Variants in GALNT17 observed in about 807,000 individuals in gnomAD.
The protein encoded by GALNT17 is polypeptide N-acetylgalactosaminyltransferase 17.
A neutral mutation model predicts 63.7 loss-of-function variants in GALNT17; 29 were observed. The ratio of observed to expected loss-of-function variants is 0.46; its 90% CI spans 0.34 to 0.62. GALNT17 has a LOEUF of 0.62. Ranked by LOEUF, GALNT17 falls within the 20% of genes least tolerant of loss-of-function variation. GALNT17 has a pLI of 0.01. For missense variants in GALNT17, 603 were observed against 799.6 expected (o/e 0.75, Z 2.97); for synonymous variants, 305 against 318.3 (o/e 0.96, Z 0.45).
intron 1 of GALNT17, among the ~76,000 whole-genome samples, chr7:71,295,231 G>T (rs184604222): frequency 2.3e-4 from 35 of 152,242 alleles, no homozygotes; most frequent in Admixed American, 5.9e-4. Context: ...TCCTAGACTT[G>T]CTTCCTGTGT....
At chr7:71,237,375 T>A (rs919707131) in intron 1 of GALNT17, among the ~76,000 whole-genome samples, 1 of 151,812 alleles carries the variant, frequency 6.6e-6, no homozygotes, top group South Asian at 2.1e-4. Flanking sequence ...AACAGGAAGA[T>A]GTCTGGAATA....
At chr7:71,343,475 T>G (rs985249370) in intron 2 of GALNT17, among the ~76,000 whole-genome samples, 7 of 152,350 alleles carry the variant, frequency 4.6e-5, no homozygotes, top group Admixed American at 3.3e-4. Context: ...TTTGTCACAT[T>G]TCAGGCAAAT....
At chr7:71,171,768 GC>G (rs1235098785) in intron 1 of GALNT17, among the ~76,000 whole-genome samples, 1 of 152,224 alleles carries the variant, frequency 6.6e-6, no homozygotes, top group Non-Finnish European at 1.5e-5. Context: ...TCCTAGAGCT[GC>G]TGCTGGGCTT....
intron 1 of GALNT17, among the ~76,000 whole-genome samples, chr7:71,193,443 T>TA (rs897496789): frequency 6.9e-6 from 1 of 145,974 alleles, no homozygotes; most frequent in Non-Finnish European, 1.5e-5. Flanking sequence ...TTTACACTGA[T>TA]ACGCTTTTGT....
chr7:71,313,889 A>C, intron 1 of GALNT17, among the ~76,000 whole-genome samples: 1 of 152,144 alleles, frequency 6.6e-6, no homozygotes, highest in East Asian at 1.9e-4. Flanking sequence ...TGAAGGGTTG[A>C]GTTGCTGCAG....
intron 1 of GALNT17, among the ~76,000 whole-genome samples, chr7:71,191,152 C>T (rs767574421): frequency 6.6e-6 from 1 of 152,190 alleles, no homozygotes; most frequent in Non-Finnish European, 1.5e-5. Context: ...AACCCACAGT[C>T]TACCAATACA....
intron 6 of GALNT17, among the ~76,000 whole-genome samples, chr7:71,619,045 T>A (rs1790256015): frequency 6.6e-6 from 1 of 152,232 alleles, no homozygotes; most frequent in Non-Finnish European, 1.5e-5. Flanking sequence ...CCAGTTGTCC[T>A]GGCACCATTT....
chr7:71,133,871 T>G (rs1787733623), intron 1 of GALNT17, among the ~76,000 whole-genome samples: 1 of 152,108 alleles, frequency 6.6e-6, no homozygotes, highest in Non-Finnish European at 1.5e-5. Context: ...GTTTCCAGGA[T>G]GCGTGGGGTT....
Position 71,633,028 on chromosome 7 carries a change from C to T in GALNT17, c.1081-32383C>T, listed in dbSNP as rs145900389. Among the ~76,000 whole-genome samples, 712 of 145,800 alleles carry T rather than the reference C, an allele frequency of 4.9e-3. 17 individuals are homozygous for T. In the East Asian group the frequency reaches 0.059, roughly 12 times the overall value. On this transcript the variant is annotated intron_variant, in intron 6 of 10. Coordinates refer to ENST00000333538, the MANE Select transcript of GALNT17 (RefSeq NM_022479.3). ...CTGAGGCATGAGAATCGCTTGAACC[C>T]GGGAGTGGGAGGTTGCAGTGAGCCG...
intron 5 of GALNT17, among the ~76,000 whole-genome samples, chr7:71,433,193 T>G (rs2116493487): frequency 6.6e-6 from 1 of 152,252 alleles, no homozygotes; most frequent in Non-Finnish European, 1.5e-5. Context: ...ATCTTCCAGA[T>G]AAAAACAGGA....
chr7:71,528,404 A>C (rs1224592009), intron 5 of GALNT17, among the ~76,000 whole-genome samples: 2 of 152,194 alleles, frequency 1.3e-5, no homozygotes, highest in East Asian at 1.9e-4. Flanking sequence ...TGGCATAACC[A>C]GTGACCCCAA....
At chr7:71,235,264 A>G (rs1459515777) in intron 1 of GALNT17, among the ~76,000 whole-genome samples, 4 of 151,942 alleles carry the variant, frequency 2.6e-5, no homozygotes, top group Non-Finnish European at 5.9e-5. Flanking sequence ...AAAAAAAAAA[A>G]AAAATTTGGT....
rs552971058 is a variant in GALNT17 at position 71,358,044 on chromosome 7, C to T, written c.422+22311C>T. Among the ~76,000 whole-genome samples the T allele has an allele frequency of 7.2e-5, 11 of 152,324 alleles. 1 individual carries two copies. The South Asian group carries it at 2.3e-3, about 32-fold the overall frequency. On this transcript the variant is annotated intron_variant, in intron 2 of 10. Coordinates refer to ENST00000333538, the MANE Select transcript of GALNT17 (RefSeq NM_022479.3). Reference sequence around the variant, plus strand: ...AGCAGCGGCAACCCGCTCGGGTCCCCTTCCATGCTGTGGAAGGTTTGTTCT... The same window carrying T: ...AGCAGCGGCAACCCGCTCGGGTCCCTTTCCATGCTGTGGAAGGTTTGTTCT...
At chr7:71,138,216 T>G (rs1008291252) in intron 1 of GALNT17, among the ~76,000 whole-genome samples, 1 of 152,112 alleles carries the variant, frequency 6.6e-6, no homozygotes, top group Non-Finnish European at 1.5e-5. Flanking sequence ...TGCACACCTG[T>G]GGTCCCAGCT....
At chr7:71,533,690 G>A (rs1432296033) in intron 5 of GALNT17, among the ~76,000 whole-genome samples, 1 of 152,174 alleles carries the variant, frequency 6.6e-6, no homozygotes, top group Non-Finnish European at 1.5e-5. Context: ...TGCATGTGCT[G>A]CTGAATACCT....
intron 1 of GALNT17, among the ~76,000 whole-genome samples, chr7:71,274,299 G>A (rs980992884): frequency 6.6e-6 from 1 of 152,178 alleles, no homozygotes; most frequent in African/African-American, 2.4e-5. Flanking sequence ...GATGTTTTTA[G>A]AGATAGGGTC....
chr7:71,498,980 A>G (rs1472153530), intron 5 of GALNT17, among the ~76,000 whole-genome samples: 2 of 152,342 alleles, frequency 1.3e-5, no homozygotes, highest in Non-Finnish European at 2.9e-5. Context: ...TGAAATCTGC[A>G]TTGTGCCAAC....
chr7:71,303,130 T>C (rs1327846383), intron 1 of GALNT17, among the ~76,000 whole-genome samples: 2 of 150,540 alleles, frequency 1.3e-5, no homozygotes. Context: ...CCCAAATTGC[T>C]GAGATTACAG....
intron 6 of GALNT17, among the ~76,000 whole-genome samples, chr7:71,611,958 A>T (rs1790131509): frequency 6.6e-6 from 1 of 152,098 alleles, no homozygotes; most frequent in Admixed American, 6.6e-5. Context: ...AGCTTGGATG[A>T]TCCACACACT....
Sources: gnomAD v4.1 joint callset for allele counts (sites outside exome capture counted in the v4.1 genomes callset) on GRCh38, gnomAD v4.1.1 for gene constraint, MANE v1.5 for transcripts, NCBI Gene and HGNC (gene_info 2026-07-23, HGNC 2026-07-21) for gene names.